Variants in AFF4 observed in about 807,000 individuals in gnomAD.
AFF4 encodes the protein AF4/FMR2 family member 4.
A neutral mutation model predicts 124.8 loss-of-function variants in AFF4; 13 were observed. That is an observed-to-expected ratio of 0.10 (90% CI 0.07 to 0.17). The LOEUF (loss-of-function observed/expected upper bound fraction) is 0.17, where lower values mean the gene tolerates loss of function less well. AFF4 is among the 10% of genes least tolerant of loss of function. The probability of loss-of-function intolerance (pLI) is 1.00; values close to 1 mark genes in which losing one functional copy is unlikely to be tolerated. For missense variants in AFF4, 1,092 were observed against 1,403.8 expected (o/e 0.78, Z 3.55); for synonymous variants, 477 against 496.1 (o/e 0.96, Z 0.51).
chr5:132,906,972 AC>A (rs1760685682), intron 5 of AFF4, among the ~76,000 whole-genome samples: 1 of 152,098 alleles, frequency 6.6e-6, no homozygotes, highest in South Asian at 2.1e-4. Flanking sequence ...AGATTCCTTT[AC>A]CCCCTCAAAT....
intron 17 of AFF4, 61 bp downstream of exon 17, chr5:132,887,460 A>G: frequency 7.0e-7 from 1 of 1,423,100 alleles, no homozygotes; most frequent in Non-Finnish European, 9.9e-7. Flanking sequence ...AAGAGCACAC[A>G]CAGCACTATT....
Position 132,898,402 on chromosome 5 carries a change from A to G in AFF4, c.1227-10T>C, listed in dbSNP as rs1185976579. On this transcript the variant is annotated splice_polypyrimidine_tract_variant and intron_variant, in intron 9 of 20. Transcript: ENST00000265343. ...TGAAGGTTCAGAGTTACTAAAAGAG[A>G]TGAAATATACAAATGTCCAAAGTTT... is the stretch of plus-strand genomic sequence containing the variant. The G allele has an allele frequency of 1.2e-5, 19 of 1,610,900 alleles. No homozygotes were observed. Among genetic ancestry groups the G allele is most frequent in the Non-Finnish European group, 1.5e-5 (18 of 1,178,890 alleles).
chr5:132,908,778 T>A (rs538299657), intron 5 of AFF4, among the ~76,000 whole-genome samples: 2,515 of 104,202 alleles, frequency 0.024, 27 homozygotes, highest in African/African-American at 0.038. Context: ...ATATATATAT[T>A]TTTTTTTTTT....
chr5:132,925,267 A>G (rs1761144161), intron 5 of AFF4, among the ~76,000 whole-genome samples: 1 of 152,080 alleles, frequency 6.6e-6, no homozygotes, highest in Non-Finnish European at 1.5e-5. Context: ...GATATGGCAC[A>G]CATATAGACA....
intron 1 of AFF4, among the ~76,000 whole-genome samples, chr5:132,962,727 G>A (rs560855560): frequency 1.3e-5 from 2 of 151,914 alleles, no homozygotes; most frequent in South Asian, 4.2e-4. Context: ...TGTAGGGGAG[G>A]GTATTCGAGT....
At chr5:132,931,813 G>A (rs988536135) in intron 4 of AFF4, among the ~76,000 whole-genome samples, 2 of 152,122 alleles carry the variant, frequency 1.3e-5, no homozygotes, top group Non-Finnish European at 2.9e-5. Context: ...GCATGATGGC[G>A]GGAGCCTGTA....
At chr5:132,918,574 A>G (rs745824457) in intron 5 of AFF4, among the ~76,000 whole-genome samples, 1 of 152,000 alleles carries the variant, frequency 6.6e-6, no homozygotes, top group Non-Finnish European at 1.5e-5. Context: ...AGGCAGGAGA[A>G]TCGCTCGAAC....
chr5:132,951,657 A>G (rs367746554), intron 1 of AFF4, among the ~76,000 whole-genome samples: 2 of 152,122 alleles, frequency 1.3e-5, no homozygotes, highest in Non-Finnish European at 2.9e-5. Context: ...CCTCCCAAGT[A>G]GCTGAGACTA....
chr5:132,914,084 C>G (rs1464231768), intron 5 of AFF4, among the ~76,000 whole-genome samples: 3 of 151,502 alleles, frequency 2.0e-5, no homozygotes, highest in African/African-American at 7.3e-5. Context: ...AAAAATTAGT[C>G]AGGCATGGTA....
intron 5 of AFF4, among the ~76,000 whole-genome samples, chr5:132,907,693 T>G (rs547794600): frequency 1.4e-4 from 21 of 151,924 alleles, no homozygotes; most frequent in Non-Finnish European, 2.2e-4. Context: ...GCCATTCAGA[T>G]TGAAATTTGA....
intron 5 of AFF4, among the ~76,000 whole-genome samples, chr5:132,914,622 A>G (rs1760867491): frequency 6.6e-6 from 1 of 152,024 alleles, no homozygotes; most frequent in Admixed American, 6.6e-5. Flanking sequence ...AGAAGAACAA[A>G]TTAAACCATA....
intron 18 of AFF4, among the ~76,000 whole-genome samples, chr5:132,885,918 C>T (rs1467091649): frequency 2.6e-5 from 4 of 152,008 alleles, no homozygotes; most frequent in Non-Finnish European, 4.4e-5. Context: ...GGACTACAGG[C>T]GTGTGGCACC....
intron 3 of AFF4, among the ~76,000 whole-genome samples, chr5:132,933,261 G>A (rs1437761465): frequency 6.6e-6 from 1 of 152,106 alleles, no homozygotes; most frequent in Non-Finnish European, 1.5e-5. Flanking sequence ...GCCGGGCATG[G>A]TGGCACATGC....
chr5:132,921,665 C>T (rs1761050985), intron 5 of AFF4, among the ~76,000 whole-genome samples: 1 of 151,276 alleles, frequency 6.6e-6, no homozygotes, highest in Non-Finnish European at 1.5e-5. Context: ...TGGGGTTTCT[C>T]CATGTTGGTC....
At chr5:132,949,224 T>C (rs1216870223) in intron 1 of AFF4, among the ~76,000 whole-genome samples, 1 of 150,898 alleles carries the variant, frequency 6.6e-6, no homozygotes, top group Non-Finnish European at 1.5e-5. Context: ...TTTTTTTTTT[T>C]TTTTTTGAGA....
intron 5 of AFF4, chr5:132,926,159 C>A: frequency 1.1e-5 from 4 of 379,588 alleles, no homozygotes; most frequent in South Asian, 4.7e-5. Flanking sequence ...TAAGAAAATG[C>A]TTACATGTAA....
chr5:132,946,391 C>T (rs984021121), intron 1 of AFF4, among the ~76,000 whole-genome samples: 9 of 152,188 alleles, frequency 5.9e-5, no homozygotes, highest in South Asian at 2.1e-4. Flanking sequence ...TTCACAATAG[C>T]GAAAAGATGG....
At chr5:132,958,700 CAGAG>C (rs1161792669) in intron 1 of AFF4, among the ~76,000 whole-genome samples, 1 of 152,132 alleles carries the variant, frequency 6.6e-6, no homozygotes, top group African/African-American at 2.4e-5. Context: ...TGTGTCTCTA[CAGAG>C]TATTGGCTGG....
rs1372847663 is a variant in AFF4 at position 132,879,471 on chromosome 5, T to C, written c.*1588A>G. On this transcript the variant is annotated 3_prime_UTR_variant, in exon 21 of 21. Transcript: ENST00000265343. ...TAGACTAAGTCATGTACCAAAGCAA[T>C]AGCTTTTCTGAAAGAACTAATCTTT... The C allele has an allele frequency of 9.9e-6, 2 of 202,368 alleles. No homozygotes were observed. The highest frequency in any genetic ancestry group is 1.9e-4 in the South Asian group (1 of 5,262). 12.5% of individuals were successfully genotyped at this position (202,368 alleles called of 1,614,324 possible).
Sources: allele counts gnomAD v4.1 joint callset (sites outside exome capture counted in the v4.1 genomes callset), GRCh38; gene constraint gnomAD v4.1.1; transcripts MANE v1.5; gene names NCBI Gene and HGNC (gene_info 2026-07-23, HGNC 2026-07-21).